Variants in TMX2 observed in about 807,000 individuals in gnomAD.
The protein encoded by TMX2 is thioredoxin related transmembrane protein 2.
In TMX2, 20 loss-of-function variants were observed where a neutral mutation model predicts 33.4. That is an observed-to-expected ratio of 0.60 (90% CI 0.42 to 0.87). TMX2 has a LOEUF of 0.87. TMX2 is among the 40% of genes least tolerant of loss of function. TMX2 has a pLI of 0.00. For missense variants in TMX2, 340 were observed against 370.7 expected (o/e 0.92, Z 0.68); for synonymous variants, 166 against 140.7 (o/e 1.18, Z -1.27).
chr11:57,720,169 C>T lies in TMX2; in HGVS notation c.189+7362C>T, dbSNP rs745448142. On this transcript the variant is annotated intron_variant, in intron 1 of 7. Coordinates refer to ENST00000278422, the MANE Select transcript of TMX2 (RefSeq NM_015959.4). The stretch of plus-strand genomic sequence containing the variant: ...AAAAAAAAAAGGTGCCACTGACCCT[C>T]TCTTTTGGGGCCTCTCGTTTTCCTT... Among the ~76,000 whole-genome samples, 5 of 148,882 alleles carry T rather than the reference C, an allele frequency of 3.4e-5. No homozygotes were observed. The East Asian group carries it at 9.9e-4, about 30-fold the overall frequency.
intron 1 of TMX2, among the ~76,000 whole-genome samples, chr11:57,720,285 C>T (rs1014969230): frequency 1.3e-5 from 2 of 152,054 alleles, no homozygotes; most frequent in African/African-American, 2.4e-5. Context: ...GCTTTTGTAT[C>T]GATACATGTG....
At chr11:57,738,795 G>A (rs756606109) in intron 5 of TMX2, 25 bp downstream of exon 5, 4 of 1,599,348 alleles carry the variant, frequency 2.5e-6, no homozygotes, top group Non-Finnish European at 2.6e-6. Context: ...GGGAGGGATG[G>A]TGGAAATGGA....
Position 57,740,694 on chromosome 11 carries a change from C to A in TMX2, c.*449C>A. 1 of 157,360 alleles carries A rather than the reference C, an allele frequency of 6.4e-6. No individual in the cohort carries two copies. Among genetic ancestry groups the A allele is most frequent in the South Asian group, 1.9e-4 (1 of 5,346 alleles). 9.7% of individuals were successfully genotyped at this position (157,360 alleles called of 1,614,324 possible). A position where few individuals can be genotyped will look rare whatever the true frequency, so the allele number is the denominator to read the frequency against. On this transcript the variant is annotated 3_prime_UTR_variant, in exon 8 of 8. Transcript: ENST00000278422. ...CCCCAAGGACTCTTGCTTCCTTAAG[C>A]CCTTCTGGCTTCGTTTATGGTCTTC...
chr11:57,712,951 C>T (rs575643538), intron 1 of TMX2, 144 bp downstream of exon 1: 2 of 839,994 alleles, frequency 2.4e-6, no homozygotes, highest in South Asian at 1.8e-5. Context: ...GTGCAGGGTC[C>T]GAACCATCAT....
intron 1 of TMX2, among the ~76,000 whole-genome samples, chr11:57,730,748 A>T (rs893379994): frequency 1.3e-5 from 2 of 152,180 alleles, no homozygotes; most frequent in African/African-American, 4.8e-5. Flanking sequence ...AAGAAAAACA[A>T]AAAACCAAGA....
chr11:57,716,610 G>A (rs560726332), intron 1 of TMX2, among the ~76,000 whole-genome samples: 3,812 of 133,040 alleles, frequency 0.029, 50 homozygotes, highest in Non-Finnish European at 0.046. Flanking sequence ...TGGCCGGGTG[G>A]GGGGCTGACC....
chr11:57,727,513 C>T (rs1948082912), intron 1 of TMX2, among the ~76,000 whole-genome samples: 1 of 152,002 alleles, frequency 6.6e-6, no homozygotes, highest in South Asian at 2.1e-4. Flanking sequence ...GTAATCATGC[C>T]CTAAAAACCA....
At chr11:57,723,805 A>AAAAAATAATAATAAT (rs1555017775) in intron 1 of TMX2, among the ~76,000 whole-genome samples, 4 of 142,342 alleles carry the variant, frequency 2.8e-5, no homozygotes, top group Non-Finnish European at 6.1e-5. Flanking sequence ...TCTGTCTCAA[A>AAAAAATAATAATAAT]AATAATAATA....
chr11:57,717,208 C>T (rs1947176657), intron 1 of TMX2, among the ~76,000 whole-genome samples: 1 of 151,760 alleles, frequency 6.6e-6, no homozygotes, highest in Admixed American at 6.6e-5. Flanking sequence ...AGACGCTCCT[C>T]ACTTTCCAGA....
At chr11:57,731,054 G>T (rs1948354286) in intron 1 of TMX2, among the ~76,000 whole-genome samples, 2 of 148,118 alleles carry the variant, frequency 1.4e-5, no homozygotes, top group Admixed American at 1.3e-4. Flanking sequence ...TTTAAATTCT[G>T]TAATGTGTTT....
intron 1 of TMX2, among the ~76,000 whole-genome samples, chr11:57,722,643 T>C (rs1033402045): frequency 2.6e-5 from 4 of 152,240 alleles, no homozygotes; most frequent in Non-Finnish European, 5.9e-5. Context: ...ATGTAAGTGC[T>C]TATCACATTG....
In TMX2 at chr11:57,712,712, C is replaced by T; in HGVS notation, c.94C>T (p.Leu32Phe). Residue 32 changes from leucine to phenylalanine, a missense_variant, in exon 1 of 8, where the codon CTC becomes TTC. Around this residue, in one of 3 missense-constraint regions of TMX2, gnomAD observed 106 missense variants for 82.7 expected, o/e 1.28. Coordinates refer to ENST00000278422, the MANE Select transcript of TMX2 (RefSeq NM_015959.4). ...AQPYYLLSAL[L>F]SAAFLLVRKL... ...ACCTTACTACCTTCTGTCGGCCCTGCTCTCTGCTGCCTTCCTACTCGTGAG... is the reference window on the plus strand; with the variant it reads ...ACCTTACTACCTTCTGTCGGCCCTGTTCTCTGCTGCCTTCCTACTCGTGAG... 6.2e-7 allele frequency: 1 copy of T among 1,614,196 alleles called. No homozygotes were observed. Among genetic ancestry groups the T allele is most frequent in the Non-Finnish European group, 8.5e-7 (1 of 1,180,036 alleles).
intron 1 of TMX2, among the ~76,000 whole-genome samples, chr11:57,723,495 T>C (rs1231324905): frequency 2.2e-5 from 3 of 133,686 alleles, no homozygotes; most frequent in African/African-American, 8.5e-5. Context: ...AAAAAAAAAA[T>C]TCATCGCAAA....
In TMX2 at chr11:57,731,111, G is replaced by A. The variant is rs181041554; in HGVS notation, c.190-6497G>A. Among the ~76,000 whole-genome samples, 564 of 104,822 alleles carry A rather than the reference G, an allele frequency of 5.4e-3. 4 individuals are homozygous for A. The highest frequency in any genetic ancestry group is 0.017 in the African/African-American group (488 of 29,096). 68.8% of individuals were successfully genotyped at this position (104,822 alleles called of 152,430 possible). ...ATATCTTAAAAGTGCCACTCTTTCC[G>A]TTTTTTGTTTTTTGTTTTTTTTTTT... On this transcript the variant is annotated intron_variant, in intron 1 of 7. Coordinates refer to ENST00000278422, the MANE Select transcript of TMX2 (RefSeq NM_015959.4).
In TMX2 at chr11:57,739,266, T is replaced by C. The variant is rs371448598; in HGVS notation, c.744+6T>C. ...TCTCATGGACCTTCTCTGAGGTACC[T>C]GAAAGGAAGGGCAGGTGCATGAAGG... On this transcript the variant is annotated splice_donor_region_variant and intron_variant, in intron 7 of 7. Transcript: ENST00000278422. 2.9e-5 allele frequency: 47 copies of C among 1,613,978 alleles called. No individual in the cohort carries two copies. Among genetic ancestry groups the C allele is most frequent in the Admixed American group, 1.0e-4 (6 of 59,990 alleles).
intron 1 of TMX2, among the ~76,000 whole-genome samples, chr11:57,720,134 CA>C (rs59914635): frequency 0.36 from 45,612 of 127,394 alleles, 7,876 homozygotes; most frequent in Non-Finnish European, 0.41. Context: ...ACTAAAAATA[CA>C]AAAAAAAAAA....
Position 57,738,045 on chromosome 11 carries a change from TTTC to T in TMX2, c.364+22_364+24del. ...TGCATAGGTGAGGAGACTGCCTTTC[TTTC>T]TTTTTTTTTTTTTGTAAGACTGTGT... On this transcript the variant is annotated intron_variant, in intron 3 of 7. Coordinates refer to ENST00000278422, the MANE Select transcript of TMX2 (RefSeq NM_015959.4). 1.3e-6 allele frequency: 2 copies of T among 1,551,124 alleles called. No individual in the cohort carries two copies. The highest frequency in any genetic ancestry group is 8.7e-7 in the Non-Finnish European group (1 of 1,150,480).
At chr11:57,738,914 C>T in intron 5 of TMX2, 60 bp from the exon 6 acceptor site, 1 of 1,571,558 alleles carries the variant, frequency 6.4e-7, no homozygotes. Context: ...AATATCTATA[C>T]TTCCACTTTC....
At chr11:57,720,104 C>T (rs528985451) in intron 1 of TMX2, among the ~76,000 whole-genome samples, 3 of 137,308 alleles carry the variant, frequency 2.2e-5, no homozygotes, top group African/African-American at 5.5e-5. Context: ...GCCTGGCCAA[C>T]GTGGTGAAAC....
Sources: allele counts gnomAD v4.1 joint callset (sites outside exome capture counted in the v4.1 genomes callset), GRCh38; gene constraint gnomAD v4.1.1; regional missense constraint gnomAD v4.1.1; transcripts MANE v1.5; gene names NCBI Gene and HGNC (gene_info 2026-07-23, HGNC 2026-07-21).